The following MDH1 variants were observed in gnomAD, a reference collection of about 807,000 sequenced individuals.
MDH1 encodes malate dehydrogenase, cytoplasmic.
In MDH1, 15 loss-of-function variants were observed where a neutral mutation model predicts 38.7. The observed-to-expected ratio is 0.39, with a 90% confidence interval of 0.26 to 0.60. The LOEUF is 0.60. Ranked by LOEUF, MDH1 falls within the 20% of genes least tolerant of loss-of-function variation. The probability of loss-of-function intolerance (pLI) is 0.56; values close to 1 mark genes in which losing one functional copy is unlikely to be tolerated. For missense variants in MDH1, 368 were observed against 405.2 expected (o/e 0.91, Z 0.79); for synonymous variants, 144 against 143.6 (o/e 1.00, Z -0.02).
At chr2:63,589,996 C>G (rs1383427940) in intron 1 of MDH1, 2 of 153,850 alleles carry the variant, frequency 1.3e-5, no homozygotes, top group African/African-American at 4.8e-5. Context: ...TGGAAATTTC[C>G]CAGAACCTGA....
intron 4 of MDH1, 123 bp from the exon 5 acceptor site, chr2:63,599,047 T>C: frequency 1.3e-6 from 1 of 789,080 alleles, no homozygotes; most frequent in Admixed American, 2.8e-5. Flanking sequence ...TATATTGTAT[T>C]TGGTGTTTCC....
At chr2:63,589,247 G>A in intron 1 of MDH1, 1 of 1,553,270 alleles carries the variant, frequency 6.4e-7, no homozygotes, top group Non-Finnish European at 8.7e-7. Context: ...CGGGGTATGG[G>A]GCGCTCTTAG....
intron 3 of MDH1, among the ~76,000 whole-genome samples, chr2:63,596,220 G>A (rs1575721789): frequency 6.6e-6 from 1 of 152,038 alleles, no homozygotes; most frequent in African/African-American, 2.4e-5. Flanking sequence ...TTTTGGTAAG[G>A]ATTAATTAAT....
intron 8 of MDH1, 44 bp downstream of exon 8, chr2:63,606,072 A>T (rs746184677): frequency 1.3e-6 from 2 of 1,523,176 alleles, no homozygotes. Flanking sequence ...GGAAGTAGTT[A>T]TATGTTTCTC....
At chr2:63,596,154 A>G (rs1404852559) in intron 3 of MDH1, among the ~76,000 whole-genome samples, 1 of 152,224 alleles carries the variant, frequency 6.6e-6, no homozygotes, top group African/African-American at 2.4e-5. Flanking sequence ...GTTTATTAAA[A>G]TATTCTAAAT....
intron 5 of MDH1, 163 bp downstream of exon 5, chr2:63,599,455 G>T: frequency 1.5e-6 from 1 of 655,008 alleles, no homozygotes; most frequent in Non-Finnish European, 2.3e-6. Context: ...CATTTGTTAG[G>T]GAGTCTTTAA....
chr2:63,604,544 A>C (rs1297436260), intron 5 of MDH1, 152 bp from the exon 6 acceptor site: 7 of 660,790 alleles, frequency 1.1e-5, no homozygotes, highest in African/African-American at 1.8e-5. Context: ...CCAAGCAATA[A>C]ATTTACATTT....
intron 1 of MDH1, chr2:63,593,476 G>T (rs1249097756): frequency 6.6e-6 from 3 of 455,916 alleles, no homozygotes; most frequent in African/African-American, 6.1e-5. Flanking sequence ...AACTTTCAGA[G>T]CTTAGTGTCA....
intron 7 of MDH1, 121 bp downstream of exon 7, chr2:63,605,514 C>G: frequency 1.4e-6 from 1 of 718,330 alleles, no homozygotes; most frequent in Non-Finnish European, 2.3e-6. Context: ...GCTCAGCTGC[C>G]TATTAACAAG....
chr2:63,597,355 T>G, intron 3 of MDH1, 44 bp from the exon 4 acceptor site: 1 of 1,324,570 alleles, frequency 7.5e-7, no homozygotes, highest in Non-Finnish European at 9.7e-7. Context: ...AACTTCAAAC[T>G]TTGATGTTTA....
chr2:63,592,520 G>GT (rs1709219511), intron 1 of MDH1, among the ~76,000 whole-genome samples: 2 of 151,950 alleles, frequency 1.3e-5, no homozygotes, highest in East Asian at 3.9e-4. Context: ...CAGCTAAATT[G>GT]TTTTTTTAAG....
rs900615857 is a variant in MDH1, at chr2:63,594,466, T to C, written c.4-22T>C. 6 of 1,542,104 alleles carry C rather than the reference T, an allele frequency of 3.9e-6. No individual in the cohort carries two copies. In the African/African-American group the frequency reaches 5.5e-5, roughly 14 times the overall value. ...AAGGTACAGTAGTACTTAAAGATGT[T>C]AATGGGTCTTTTTCATTACAGTCTG... On this transcript the variant is annotated intron_variant, in intron 1 of 8. Transcript: ENST00000233114.
At chr2:63,594,238 A>G in intron 1 of MDH1, 1 of 577,222 alleles carries the variant, frequency 1.7e-6, no homozygotes, top group South Asian at 1.4e-5. Flanking sequence ...GTGGTAAAAT[A>G]TCCCAAAAAA....
At chr2:63,605,447 GATATA>G (rs1030958899) in intron 7 of MDH1, 54 bp downstream of exon 7, 1 of 1,250,064 alleles carries the variant, frequency 8.0e-7, no homozygotes, top group Non-Finnish European at 1.2e-6. Flanking sequence ...GTTGCCTGAT[GATATA>G]ATATAAAAAG....
chr2:63,593,951 G>A (rs771678627), intron 1 of MDH1, among the ~76,000 whole-genome samples: 1 of 152,154 alleles, frequency 6.6e-6, no homozygotes, highest in Non-Finnish European at 1.5e-5. Context: ...GTTGTCAGCT[G>A]TCTGTCACTA....
Position 63,589,161 on chromosome 2 carries a change from C to A in MDH1, c.3+115C>A, listed in dbSNP as rs1445373773. ...TGTGCAAGGCACTGTCCTTCGCGCC[C>A]TTTGGCAAGCTCGGACTCATCTTCT... On this transcript the variant is annotated intron_variant, in intron 1 of 8. Coordinates refer to ENST00000233114, the MANE Select transcript of MDH1 (RefSeq NM_005917.4). 5.0e-6 allele frequency: 8 copies of A among 1,611,386 alleles called. No individual in the cohort carries two copies. The East Asian group carries it at 8.9e-5, about 18-fold the overall frequency.
intron 7 of MDH1, 72 bp downstream of exon 7, chr2:63,605,465 T>A: frequency 9.1e-7 from 1 of 1,098,388 alleles, no homozygotes. Context: ...ATAAAAAGAA[T>A]ATAGCCTTAG....
chr2:63,595,512 C>T lies in MDH1; in HGVS notation c.192C>T (p.Leu64=). The change falls in exon 3 of 9, where the codon CTC becomes CTT. Residue 64 remains leucine, a synonymous_variant. Coordinates refer to ENST00000233114, the MANE Select transcript of MDH1 (RefSeq NM_005917.4). ...AACTGCAAGACTGTGCCCTTCCCCTCCTGAAAGGTGGGTTGGGGAGTAGAG... is the reference window on the plus strand; with the variant it reads ...AACTGCAAGACTGTGCCCTTCCCCTTCTGAAAGGTGGGTTGGGGAGTAGAG... ...LMELQDCALP[L]LKDVIATDKE... 1 of 1,602,094 alleles carries T rather than the reference C, an allele frequency of 6.2e-7. No homozygotes were observed. The highest frequency in any genetic ancestry group is 8.6e-7 in the Non-Finnish European group (1 of 1,169,102).
intron 6 of MDH1, 96 bp from the exon 7 acceptor site, chr2:63,605,184 G>C (rs529908389): frequency 1.2e-6 from 1 of 803,864 alleles, no homozygotes; most frequent in East Asian, 2.7e-5. Flanking sequence ...ATTAAGCTCT[G>C]GTCATAGCTT....
Sources: gnomAD v4.1 joint callset for allele counts (sites outside exome capture counted in the v4.1 genomes callset) on GRCh38, gnomAD v4.1.1 for gene constraint, MANE v1.5 for transcripts, NCBI Gene and HGNC (gene_info 2026-07-23, HGNC 2026-07-21) for gene names.